GLIS3: variants seen among roughly 807,000 people sequenced by gnomAD.
The protein encoded by GLIS3 is zinc finger protein GLIS3.
Under a neutral mutation model 78.6 loss-of-function variants are expected in GLIS3, and 53 were observed. The ratio of observed to expected loss-of-function variants is 0.67; its 90% CI spans 0.54 to 0.85. GLIS3 has a LOEUF of 0.85. Ranked by LOEUF, GLIS3 falls within the 40% of genes least tolerant of loss-of-function variation. The pLI is 0.00. For missense variants in GLIS3, 1,703 were observed against 1,231.1 expected (o/e 1.38, Z -5.74); for synonymous variants, 684 against 509.9 (o/e 1.34, Z -4.60).
In GLIS3 at chr9:3,937,058, G is replaced by A. The variant is rs758753292; in HGVS notation, c.1842C>T (p.Arg614=). The A allele has an allele frequency of 3.3e-5, 54 of 1,613,212 alleles. No individual in the cohort carries two copies. In the Middle Eastern group the frequency reaches 2.6e-3, roughly 77 times the overall value. ...CQKAFSNSSD[R]AKHQRTHLDT... ...CCAGATGCGTCCGCTGGTGTTTGGC[G>A]CGGTCACTGGAGTTACTGAAGGCCT... is the stretch of plus-strand genomic sequence containing the variant. Residue 614 remains arginine (R), a synonymous_variant, in exon 5 of 11, where the codon CGC becomes CGT. Coordinates refer to ENST00000381971, the MANE Select transcript of GLIS3 (RefSeq NM_001042413.2).
chr9:3,976,491 A>AT (rs33944118), intron 4 of GLIS3, among the ~76,000 whole-genome samples: 102 of 149,546 alleles, frequency 6.8e-4, no homozygotes, highest in Admixed American at 8.7e-4. Flanking sequence ...CCCATTGCCT[A>AT]TTTTTTTTTT....
intron 2 of GLIS3, among the ~76,000 whole-genome samples, chr9:4,199,235 C>T (rs990608518): frequency 6.6e-6 from 1 of 152,168 alleles, no homozygotes. Context: ...AATGAAATGG[C>T]CTAAAACCCC....
intron 4 of GLIS3, among the ~76,000 whole-genome samples, chr9:4,040,813 C>T (rs532518): frequency 0.31 from 47,529 of 152,044 alleles, 8,124 homozygotes; most frequent in East Asian, 0.58. Context: ...ACTGGGTCAA[C>T]TGGGTCATTG....
chr9:4,258,696 G>A (rs1825218727), intron 2 of GLIS3, among the ~76,000 whole-genome samples: 1 of 152,150 alleles, frequency 6.6e-6, no homozygotes, highest in Non-Finnish European at 1.5e-5. Context: ...GTTTTGAGTG[G>A]CAGAACTGGG....
chr9:4,161,114 A>C (rs1835443846), intron 2 of GLIS3, among the ~76,000 whole-genome samples: 2 of 151,330 alleles, frequency 1.3e-5, no homozygotes, highest in African/African-American at 4.8e-5. Flanking sequence ...GAAAGAAAAG[A>C]AAAGAAAAAA....
chr9:4,127,889 C>T (rs560552347), intron 2 of GLIS3, among the ~76,000 whole-genome samples: 2 of 152,254 alleles, frequency 1.3e-5, no homozygotes, highest in South Asian at 4.1e-4. Context: ...GATATAGCAG[C>T]TGGAACAGCA....
intron 6 of GLIS3, among the ~76,000 whole-genome samples, chr9:3,899,275 A>G (rs1274553018): frequency 6.6e-6 from 1 of 152,166 alleles, no homozygotes; most frequent in Non-Finnish European, 1.5e-5. Flanking sequence ...ACTCCTATAG[A>G]TTTTCCATGA....
intron 4 of GLIS3, among the ~76,000 whole-genome samples, chr9:3,981,545 C>T (rs1212165574): frequency 6.6e-6 from 1 of 152,132 alleles, no homozygotes. Flanking sequence ...GGCTCTGATG[C>T]AGCCAGTCCT....
intron 4 of GLIS3, among the ~76,000 whole-genome samples, chr9:4,005,524 C>T (rs1821473546): frequency 6.6e-6 from 1 of 152,142 alleles, no homozygotes; most frequent in South Asian, 2.1e-4. Flanking sequence ...TAATTGTGAC[C>T]TTTGGCCTAC....
chr9:4,213,822 C>CATT lies in GLIS3; in HGVS notation c.388+72215_388+72216insAAT, dbSNP rs1326497347. Among the ~76,000 whole-genome samples, 3 of 151,530 alleles carry CATT rather than the reference C, an allele frequency of 2.0e-5. 1 individual carries two copies. The highest frequency in any genetic ancestry group is 7.3e-5 in the African/African-American group (3 of 41,256). On this transcript the variant is annotated intron_variant, in intron 2 of 10. Transcript: ENST00000381971. ...CATCCAATAAACATTAATCAAGCATCTATAATGGGCCTAGTAGTGTTCTAG... is the reference window on the plus strand; with the variant it reads ...CATCCAATAAACATTAATCAAGCATCATTTATAATGGGCCTAGTAGTGTTCTAG...
At chr9:3,838,759 G>C (rs1225602962) in intron 9 of GLIS3, among the ~76,000 whole-genome samples, 1 of 143,280 alleles carries the variant, frequency 7.0e-6, no homozygotes, top group Non-Finnish European at 1.5e-5. Context: ...AGGGACAGAG[G>C]AGAAAGAAGA....
chr9:4,155,967 C>G (rs1282148519), intron 2 of GLIS3, among the ~76,000 whole-genome samples: 1 of 152,174 alleles, frequency 6.6e-6, no homozygotes, highest in Non-Finnish European at 1.5e-5. Flanking sequence ...CCCTATTATT[C>G]ACATTAACAA....
rs141904781 is a variant in GLIS3 at position 4,033,697 on chromosome 9, G to C, written c.1710+84071C>G. On this transcript the variant is annotated intron_variant, in intron 4 of 10. Coordinates refer to ENST00000381971, the MANE Select transcript of GLIS3 (RefSeq NM_001042413.2). The stretch of plus-strand genomic sequence containing the variant: ...CTATGCACATTCAAGTTCAAGGGCA[G>C]GTACTAAAACAGGGACCTATTTTGT... Among the ~76,000 whole-genome samples, 4 of 152,072 alleles carry C rather than the reference G, an allele frequency of 2.6e-5. No homozygotes were observed. The East Asian group carries it at 7.7e-4, about 29-fold the overall frequency.
At chr9:4,448,183 TC>T in the GLIS3 span, among the ~76,000 whole-genome samples, 5 of 152,216 alleles carry the variant, frequency 3.3e-5, no homozygotes, top group Middle Eastern at 3.2e-3. Context: ...TAAGACAATC[TC>T]CTTAGCTGCA....
chr9:4,268,409 G>A (rs545083334), intron 2 of GLIS3, among the ~76,000 whole-genome samples: 10 of 152,216 alleles, frequency 6.6e-5, no homozygotes, highest in Admixed American at 6.5e-4. Flanking sequence ...AGACTATAAA[G>A]AAATTCTGAA....
At chr9:4,005,663 T>C (rs992837466) in intron 4 of GLIS3, among the ~76,000 whole-genome samples, 2 of 152,244 alleles carry the variant, frequency 1.3e-5, no homozygotes, top group African/African-American at 4.8e-5. Flanking sequence ...TTAAGTATTA[T>C]ACACATGCTA....
rs547585252 is a variant in GLIS3, at chr9:3,935,980, G to C, written c.1872+1048C>G. ...GACTTCTATGAATATGACTAATAGAGACTAATATAAAATTTAATAAATATG... is the reference window on the plus strand; with the variant it reads ...GACTTCTATGAATATGACTAATAGACACTAATATAAAATTTAATAAATATG... On this transcript the variant is annotated intron_variant, in intron 5 of 10. Coordinates refer to ENST00000381971, the MANE Select transcript of GLIS3 (RefSeq NM_001042413.2). Among the ~76,000 whole-genome samples, 367 of 152,262 alleles carry C rather than the reference G, an allele frequency of 2.4e-3. 4 individuals carry two copies. The South Asian group carries it at 0.032, about 13-fold the overall frequency.
intron 2 of GLIS3, among the ~76,000 whole-genome samples, chr9:4,272,283 A>T (rs967861560): frequency 1.3e-5 from 2 of 152,198 alleles, no homozygotes; most frequent in African/African-American, 4.8e-5. Flanking sequence ...TTTCAAAATA[A>T]ACATATGCCA....
At chr9:4,364,722 A>G in the GLIS3 span, among the ~76,000 whole-genome samples, 3 of 110,334 alleles carry the variant, frequency 2.7e-5, no homozygotes, top group Admixed American at 2.1e-4. Flanking sequence ...ATATATATAT[A>G]TATATTATGT....
Sources: gnomAD v4.1 joint callset for allele counts (sites outside exome capture counted in the v4.1 genomes callset) on GRCh38, gnomAD v4.1.1 for gene constraint, MANE v1.5 for transcripts, NCBI Gene and HGNC (gene_info 2026-07-23, HGNC 2026-07-21) for gene names.